The following PRPF6 variants were observed in gnomAD, a reference collection of about 807,000 sequenced individuals.
The protein encoded by PRPF6 is pre-mRNA processing factor 6.
PRPF6 carries 42 observed loss-of-function variants against 118.3 expected under a neutral mutation model. The ratio of observed to expected loss-of-function variants is 0.35; its 90% CI spans 0.28 to 0.46. The LOEUF is 0.46. PRPF6 is among the 20% of genes least tolerant of loss of function. The pLI, the probability that PRPF6 is intolerant of heterozygous loss-of-function variation, is 1.00. For missense variants in PRPF6, 662 were observed against 1,255.7 expected, an observed-to-expected ratio of 0.53 and a Z score of 7.15; for synonymous variants, 481 against 485.1, an observed-to-expected ratio of 0.99 and a Z score of 0.11.
intron 9 of PRPF6, among the ~76,000 whole-genome samples, chr20:64,009,302 A>G (rs551738526): frequency 1.5e-4 from 23 of 150,900 alleles, no homozygotes; most frequent in East Asian, 3.9e-4. Context: ...AAAAAAAAAA[A>G]AGAGAGGTAT....
chr20:64,003,618 CAG>C (rs1210399161), intron 9 of PRPF6, among the ~76,000 whole-genome samples: 2 of 152,098 alleles, frequency 1.3e-5, no homozygotes, highest in Non-Finnish European at 2.9e-5. Context: ...TTTATTGAGA[CAG>C]AGTCTCGCTC....
intron 12 of PRPF6, among the ~76,000 whole-genome samples, chr20:64,018,968 G>A (rs898847405): frequency 6.6e-6 from 1 of 152,074 alleles, no homozygotes; most frequent in Non-Finnish European, 1.5e-5. Flanking sequence ...TTTGCACCCC[G>A]TGTGGCGTGA....
In PRPF6 at chr20:64,011,438, A is replaced by G. The variant is rs2059216786; in HGVS notation, c.1459A>G (p.Ile487Val). ...NGNTQMVEKIIDRAITSLRAN... is the reference protein window; with the variant it reads ...NGNTQMVEKIVDRAITSLRAN... ...GAACACGCAGATGGTGGAGAAGATC[A>G]TCGACCGAGCCATCACCTCGCTGCG... Residue 487 changes from isoleucine (I) to valine (V), a missense_variant, in exon 11 of 21, where the codon ATC becomes GTC. By Grantham distance (29) the Ile-to-Val change is conservative. This residue lies in a region of PRPF6 where 189 missense variants were observed against 323.5 expected (regional missense o/e 0.58). Transcript: ENST00000266079. This position sits in a 1 kb window ranked among gnomAD's most constrained non-coding sequence, Gnocchi z 6.7. 2 of 1,614,078 alleles carry G rather than the reference A, an allele frequency of 1.2e-6. No homozygotes were observed. Among genetic ancestry groups the G allele is most frequent in the African/African-American group, 2.7e-5 (2 of 74,950 alleles).
At chr20:64,006,477 C>T (rs151009976) in intron 9 of PRPF6, among the ~76,000 whole-genome samples, 9,122 of 152,116 alleles carry the variant, frequency 0.06, 398 homozygotes, top group Non-Finnish European at 0.093. Flanking sequence ...CCACCACACC[C>T]GACTAATTTT....
At position 63,999,577 on chromosome 20, in the gene PRPF6, T is replaced by TG. The variant is rs766382283; in HGVS notation, c.867-25dup. ...GTGCACCCCTGACAGCATGGCCTGA[T>TG]GCCGTGTGCACTCTCCCTCTCATAG... is the stretch of plus-strand genomic sequence containing the variant. On this transcript the variant is annotated intron_variant, in intron 7 of 20. Transcript: ENST00000266079. The TG allele has an allele frequency of 3.6e-5, 58 of 1,613,492 alleles. No individual in the cohort carries two copies. In the African/African-American group the frequency reaches 7.2e-4, roughly 20 times the overall value.
chr20:63,996,002 T>G (rs1395464949), intron 6 of PRPF6, among the ~76,000 whole-genome samples: 2 of 152,150 alleles, frequency 1.3e-5, no homozygotes, highest in African/African-American at 2.4e-5. Context: ...GTGTGTTTTT[T>G]TCCTGCCTCT....
At position 64,026,052 on chromosome 20, in the gene PRPF6, C is replaced by T. The variant is rs151209735; in HGVS notation, c.2022C>T (p.Thr674=). 37 of 1,604,382 alleles carry T rather than the reference C, an allele frequency of 2.3e-5. No homozygotes were observed. Among genetic ancestry groups the T allele is most frequent in the East Asian group, 1.3e-4 (6 of 44,882 alleles). The change falls in exon 15 of 21, where the codon ACC becomes ACT. Residue 674 remains threonine, a synonymous_variant. Coordinates refer to ENST00000266079, the MANE Select transcript of PRPF6 (RefSeq NM_012469.4). The surrounding 1 kb of genome is among the most constrained non-coding windows in gnomAD (Gnocchi z 4.4). ...CCAAGGCGCGGAGCAGTGCCCCCAC[C>T]GCCCGGGTACGCAGTGGCAGGCAGG... ...LLAKARSSAP[T]ARVFMKSVKL...
chr20:64,000,719 C>T (rs544945034), intron 8 of PRPF6, among the ~76,000 whole-genome samples: 14 of 152,056 alleles, frequency 9.2e-5, no homozygotes, highest in Non-Finnish European at 1.6e-4. Flanking sequence ...TAGGCACCTG[C>T]CACCACACCC....
chr20:64,004,963 C>G (rs1350438882), intron 9 of PRPF6, among the ~76,000 whole-genome samples: 3 of 152,194 alleles, frequency 2.0e-5, no homozygotes, highest in Non-Finnish European at 4.4e-5. Context: ...TGGCACAGTT[C>G]AGGTTGAGGG....
intron 12 of PRPF6, among the ~76,000 whole-genome samples, chr20:64,021,883 C>T (rs948411593): frequency 1.5e-3 from 198 of 131,434 alleles, no homozygotes; most frequent in Non-Finnish European, 2.6e-3. Context: ...GCCACAGCCC[C>T]GTGTCTGTGT....
chr20:64,002,010 T>C (rs797014106), intron 9 of PRPF6, among the ~76,000 whole-genome samples: 1,935 of 125,930 alleles, frequency 0.015, 48 homozygotes, highest in African/African-American at 0.053. Flanking sequence ...GTTTTTTTTT[T>C]CTGGTTTTTT....
intron 3 of PRPF6, among the ~76,000 whole-genome samples, chr20:63,989,305 T>C (rs1601510166): frequency 6.6e-6 from 1 of 152,112 alleles, no homozygotes; most frequent in South Asian, 2.1e-4. Context: ...CTACAGGACA[T>C]TGGACTAGGC....
intron 7 of PRPF6, 77 bp downstream of exon 7, chr20:63,999,216 T>C (rs1369471648): frequency 8.3e-7 from 1 of 1,205,628 alleles, no homozygotes; most frequent in Non-Finnish European, 1.2e-6. Flanking sequence ...ATATGGACAG[T>C]ATGCTGTCAA....
intron 11 of PRPF6, among the ~76,000 whole-genome samples, chr20:64,014,310 T>C (rs1357036724): frequency 6.6e-6 from 1 of 152,176 alleles, no homozygotes; most frequent in African/African-American, 2.4e-5. Flanking sequence ...GTTCAACTTA[T>C]GGGCTTATAT....
intron 6 of PRPF6, among the ~76,000 whole-genome samples, chr20:63,996,566 T>C (rs953570658): frequency 6.6e-6 from 1 of 152,198 alleles, no homozygotes; most frequent in Non-Finnish European, 1.5e-5. Context: ...CTGTCCGCGC[T>C]GGCCTCACAA....
chr20:63,995,124 A>G (rs1213063647), intron 5 of PRPF6, 32 bp downstream of exon 5: 2 of 1,613,552 alleles, frequency 1.2e-6, no homozygotes, highest in Non-Finnish European at 1.7e-6. Flanking sequence ...CATGTGGCCC[A>G]TTTAGTCCTG....
chr20:63,983,298 T>C (rs2059079262), intron 2 of PRPF6, 83 bp downstream of exon 2: 1 of 1,556,410 alleles, frequency 6.4e-7, no homozygotes, highest in Admixed American at 1.7e-5. Flanking sequence ...GTGTCTGTAA[T>C]GAATGGCTTG....
At chr20:64,010,419 A>C in intron 10 of PRPF6, 101 bp downstream of exon 10, 1 of 1,002,040 alleles carries the variant, frequency 1.0e-6, no homozygotes, top group Non-Finnish European at 1.6e-6. Flanking sequence ...CATTGAGCTC[A>C]CTCAGGCTGC....
At chr20:63,992,828 G>T (rs2059124472) in intron 3 of PRPF6, among the ~76,000 whole-genome samples, 1 of 151,618 alleles carries the variant, frequency 6.6e-6, no homozygotes, top group South Asian at 2.1e-4. Context: ...CTGCCTCCTG[G>T]GTTCAAATGA....
Sources: allele counts gnomAD v4.1 joint callset (sites outside exome capture counted in the v4.1 genomes callset), GRCh38; gene constraint gnomAD v4.1.1; regional missense constraint gnomAD v4.1.1; non-coding constraint Gnocchi (gnomAD v3.1); transcripts MANE v1.5; gene names NCBI Gene and HGNC (gene_info 2026-07-23, HGNC 2026-07-21).